DAAM1: variants seen among roughly 807,000 people sequenced by gnomAD.
DAAM1 encodes the protein dishevelled associated activator of morphogenesis 1.
In DAAM1, 52 loss-of-function variants were observed where a neutral mutation model predicts 130.0. The ratio of observed to expected loss-of-function variants is 0.40; its 90% CI spans 0.32 to 0.50. The LOEUF (loss-of-function observed/expected upper bound fraction) is 0.50, where lower values mean the gene tolerates loss of function less well. Among genes scored for constraint, DAAM1 ranks in the 20% least tolerant of loss-of-function variants. The probability of loss-of-function intolerance (pLI) is 0.61; values close to 1 mark genes in which losing one functional copy is unlikely to be tolerated. For synonymous variants in DAAM1, 452 were observed against 444.5 expected (o/e 1.02, Z -0.21); for missense variants, 1,134 against 1,303.8 (o/e 0.87, Z 2.01).
intron 20 of DAAM1, among the ~76,000 whole-genome samples, chr14:59,358,727 C>T (rs959023217): frequency 3.3e-5 from 5 of 151,960 alleles, no homozygotes; most frequent in African/African-American, 7.3e-5. Context: ...CCTGTAATCC[C>T]AGCTACTCGG....
At chr14:59,355,474 C>T (rs1886441051) in intron 20 of DAAM1, 141 bp downstream of exon 20, 1 of 1,052,550 alleles carries the variant, frequency 9.5e-7, no homozygotes, top group Non-Finnish European at 1.3e-6. Context: ...TTCTTCCCTT[C>T]TCTGACATTG....
At chr14:59,334,624 T>C (rs1040291671) in intron 15 of DAAM1, among the ~76,000 whole-genome samples, 1 of 152,154 alleles carries the variant, frequency 6.6e-6, no homozygotes, top group Non-Finnish European at 1.5e-5. Context: ...ATCTCAGTAG[T>C]GTCGGATTAG....
At chr14:59,322,393 G>A (rs990136457) in intron 5 of DAAM1, among the ~76,000 whole-genome samples, 4 of 151,760 alleles carry the variant, frequency 2.6e-5, no homozygotes, top group East Asian at 3.9e-4. Flanking sequence ...ATGGTGGCAC[G>A]CACCTGTAGT....
chr14:59,212,706 T>C (rs1272811101), intron 1 of DAAM1, among the ~76,000 whole-genome samples: 3 of 152,210 alleles, frequency 2.0e-5, no homozygotes, highest in Non-Finnish European at 2.9e-5. Context: ...ATCTAACTAG[T>C]TTGTCAGTGT....
At chr14:59,331,566 A>G in intron 14 of DAAM1, 58 bp downstream of exon 14, 2 of 1,521,542 alleles carry the variant, frequency 1.3e-6, no homozygotes, top group East Asian at 2.3e-5. Flanking sequence ...TCATTGTGTT[A>G]TCACTGAAAG....
intron 23 of DAAM1, 124 bp from the exon 24 acceptor site, chr14:59,367,305 A>AAAAT: frequency 1.4e-6 from 2 of 1,420,116 alleles, no homozygotes; most frequent in Admixed American, 5.4e-5. Flanking sequence ...GAAAGAAATA[A>AAAAT]AAATAAATGA....
chr14:59,227,629 C>G (rs926709094), intron 1 of DAAM1, among the ~76,000 whole-genome samples: 14 of 152,154 alleles, frequency 9.2e-5, no homozygotes, highest in African/African-American at 3.1e-4. Flanking sequence ...TATGTGTCAC[C>G]TCGTGCTTGT....
intron 1 of DAAM1, among the ~76,000 whole-genome samples, chr14:59,221,441 C>T (rs940538504): frequency 6.6e-6 from 1 of 152,212 alleles, no homozygotes; most frequent in Non-Finnish European, 1.5e-5. Context: ...TCATAACTAG[C>T]TTTCCTACTA....
rs780481713 is a variant in DAAM1 at position 59,314,480 on chromosome 14, A to ATT, written c.274-785_274-784dup. Among the ~76,000 whole-genome samples the ATT allele has an allele frequency of 1.5e-3, 213 of 143,042 alleles. 2 individuals carry two copies. Among genetic ancestry groups the ATT allele is most frequent in the South Asian group, 6.3e-3 (28 of 4,460 alleles). The allele number at this position is 143,042 out of a possible 152,430, so 93.8% of individuals were successfully genotyped here. A position where few individuals can be genotyped will look rare whatever the true frequency, so the allele number is the denominator to read the frequency against. On this transcript the variant is annotated intron_variant, in intron 3 of 24. Transcript: ENST00000360909. ...CAGAGGCCACAGCCACTGATAACTG[A>ATT]TTTTTTTTTTTTTTTTGAGATTTGG... is the stretch of plus-strand genomic sequence containing the variant.
intron 4 of DAAM1, among the ~76,000 whole-genome samples, chr14:59,316,172 A>G (rs1044781256): frequency 5.9e-5 from 9 of 152,194 alleles, no homozygotes; most frequent in Admixed American, 2.0e-4. Flanking sequence ...CATGGTTTTA[A>G]GAGTCAATCT....
chr14:59,237,265 G>A (rs1278338952), intron 1 of DAAM1, among the ~76,000 whole-genome samples: 1 of 152,190 alleles, frequency 6.6e-6, no homozygotes, highest in African/African-American at 2.4e-5. Context: ...ACTATTTGTA[G>A]CATGATGGAG....
chr14:59,299,869 A>C (rs1222719596), intron 3 of DAAM1: 4 of 152,116 alleles, frequency 2.6e-5, no homozygotes, highest in Non-Finnish European at 5.9e-5. Flanking sequence ...GTCAGCCTGC[A>C]CTGCACTTTT....
chr14:59,344,645 T>C (rs927783822), intron 16 of DAAM1, among the ~76,000 whole-genome samples: 1 of 152,176 alleles, frequency 6.6e-6, no homozygotes, highest in African/African-American at 2.4e-5. Context: ...TTTTCTTAAG[T>C]GCTAGCCATT....
At chr14:59,345,903 G>GGAGGGT (rs1886059862) in intron 16 of DAAM1, among the ~76,000 whole-genome samples, 1 of 152,170 alleles carries the variant, frequency 6.6e-6, no homozygotes, top group Non-Finnish European at 1.5e-5. Flanking sequence ...CAGTGCTTTG[G>GGAGGGT]AAAGTGATCA....
At chr14:59,191,039 A>G (rs567619972) in intron 1 of DAAM1, among the ~76,000 whole-genome samples, 10 of 152,332 alleles carry the variant, frequency 6.6e-5, no homozygotes, top group African/African-American at 1.7e-4. Context: ...TTGTAATTGC[A>G]TTAAGTGTAA....
At chr14:59,362,297 T>C (rs1886737710) in intron 22 of DAAM1, 1 of 152,114 alleles carries the variant, frequency 6.6e-6, no homozygotes, top group Middle Eastern at 3.2e-3. Context: ...AGAGGGGCTA[T>C]AGAAGCCTCC....
chr14:59,348,425 C>T (rs1177031693), intron 17 of DAAM1, among the ~76,000 whole-genome samples: 4 of 152,186 alleles, frequency 2.6e-5, no homozygotes, highest in Non-Finnish European at 5.9e-5. Context: ...CCTGTCTCTG[C>T]CCCCTGCCCC....
intron 5 of DAAM1, among the ~76,000 whole-genome samples, chr14:59,320,881 C>T (rs1337191377): frequency 5.3e-5 from 8 of 151,978 alleles, no homozygotes. Flanking sequence ...ATTGTGAAGC[C>T]ACTTTGGAAA....
intron 1 of DAAM1, among the ~76,000 whole-genome samples, chr14:59,257,080 G>A (rs759200629): frequency 2.0e-5 from 3 of 152,122 alleles, no homozygotes; most frequent in Non-Finnish European, 4.4e-5. Context: ...TCCCAAGGAT[G>A]GAATTCATTT....
Sources: gnomAD v4.1 joint callset for allele counts (sites outside exome capture counted in the v4.1 genomes callset) on GRCh38, gnomAD v4.1.1 for gene constraint, MANE v1.5 for transcripts, NCBI Gene and HGNC (gene_info 2026-07-23, HGNC 2026-07-21) for gene names.